The following LGMN variants were observed in gnomAD, a reference collection of about 807,000 sequenced individuals.
LGMN encodes legumain, also known as asparaginyl endopeptidase.
Under a neutral mutation model 56.8 loss-of-function variants are expected in LGMN, and 36 were observed. The observed-to-expected ratio is 0.63, with a 90% CI of 0.49 to 0.84. The LOEUF (loss-of-function observed/expected upper bound fraction) is 0.84. Ranked by LOEUF, LGMN falls within the 40% of genes least tolerant of loss-of-function variation. The pLI is 0.00. For missense variants in LGMN, 446 were observed against 556.1 expected (o/e 0.80, Z 1.99); for synonymous variants, 199 against 210.1 (o/e 0.95, Z 0.46).
At position 92,721,065 on chromosome 14, in the gene LGMN, A is replaced by C. The variant is rs112901958; in HGVS notation, c.139-2221T>G. ...AACACTGCACCTGGCTAATTTCTAA[A>C]ATGTTCTGTAGAGTCAGGGTCTCGC... On this transcript the variant is annotated intron_variant, in intron 2 of 13. Coordinates refer to ENST00000334869, the MANE Select transcript of LGMN (RefSeq NM_005606.7). Among the ~76,000 whole-genome samples, 1,488 of 151,498 alleles carry C rather than the reference A, an allele frequency of 9.8e-3. 30 individuals are homozygous for C. Among genetic ancestry groups the C allele is most frequent in the African/African-American group, 0.034 (1,387 of 41,276 alleles).
Position 92,708,856 on chromosome 14 carries a change from C to CAAAAAA in LGMN, c.1020+810_1020+815dup, listed in dbSNP as rs58813848. Among the ~76,000 whole-genome samples the CAAAAAA allele has an allele frequency of 9.6e-3, 688 of 71,600 alleles. 41 individuals carry two copies. The highest frequency in any genetic ancestry group is 0.033 in the African/African-American group (650 of 19,434). The allele number at this position is 71,600 out of a possible 152,430, so 47.0% of individuals were successfully genotyped here. The stretch of plus-strand genomic sequence containing the variant: ...TGGCGACAGAGCAAGACTCTTGTCT[C>CAAAAAA]AAAAAAAAAAAAAAAAAAAAAAAAA... On this transcript the variant is annotated intron_variant, in intron 11 of 13. Coordinates refer to ENST00000334869, the MANE Select transcript of LGMN (RefSeq NM_005606.7).
chr14:92,730,423 A>C (rs754102438), intron 2 of LGMN, among the ~76,000 whole-genome samples: 25 of 152,136 alleles, frequency 1.6e-4, no homozygotes, highest in Non-Finnish European at 3.1e-4. Flanking sequence ...TCTCATTATT[A>C]TCATTTTTTT....
intron 1 of LGMN, chr14:92,733,901 A>G (rs1303680742): frequency 6.6e-6 from 1 of 152,230 alleles, no homozygotes; most frequent in African/African-American, 2.4e-5. Flanking sequence ...GAAGACAGAC[A>G]AAATGTTAAC....
intron 2 of LGMN, among the ~76,000 whole-genome samples, chr14:92,719,752 C>G (rs1329422965): frequency 6.6e-6 from 1 of 152,242 alleles, no homozygotes; most frequent in Non-Finnish European, 1.5e-5. Context: ...AACTCCCTGT[C>G]CACGCAAGGG....
intron 1 of LGMN, among the ~76,000 whole-genome samples, chr14:92,745,915 T>G (rs956400641): frequency 2.0e-5 from 3 of 151,952 alleles, no homozygotes; most frequent in South Asian, 2.1e-4. Flanking sequence ...TCCGGCTCCC[T>G]GGTTCAAGCA....
intron 11 of LGMN, among the ~76,000 whole-genome samples, chr14:92,709,454 T>C: frequency 6.6e-6 from 1 of 152,300 alleles, no homozygotes; most frequent in East Asian, 1.9e-4. Context: ...ATTCCACTGC[T>C]CCCTACTACC....
intron 1 of LGMN, among the ~76,000 whole-genome samples, chr14:92,744,618 G>A (rs1332519158): frequency 6.5e-5 from 9 of 138,020 alleles, no homozygotes; most frequent in African/African-American, 2.0e-4. Context: ...TTTTTGAGAC[G>A]GAGTTTCGCT....
intron 1 of LGMN, among the ~76,000 whole-genome samples, chr14:92,742,141 T>C (rs542576960): frequency 5.6e-4 from 84 of 150,364 alleles, no homozygotes; most frequent in Non-Finnish European, 1.0e-3. Context: ...CTGAATATTT[T>C]AAGGAATTCC....
At chr14:92,743,159 G>C (rs940340337) in intron 1 of LGMN, 6 of 152,024 alleles carry the variant, frequency 3.9e-5, no homozygotes, top group Non-Finnish European at 7.4e-5. Context: ...TTATTAAAGG[G>C]TCATTCAGTC....
intron 10 of LGMN, 24 bp from the exon 11 acceptor site, chr14:92,709,896 GAGCGAGAGAGAA>G (rs1889666836): frequency 5.1e-6 from 8 of 1,556,920 alleles, no homozygotes; most frequent in Non-Finnish European, 7.0e-6. Flanking sequence ...CAGCAAGAGA[GAGCGAGAGAGAA>G]AGCGAGAGAG....
rs746940518 is a variant in LGMN, at chr14:92,704,613, T to C, written c.1259+27A>G. 5.7e-6 allele frequency: 9 copies of C among 1,590,056 alleles called. No homozygotes were observed. In the South Asian group the frequency reaches 9.9e-5, roughly 18 times the overall value. Reference sequence around the variant, plus strand: ...TCTGCTTTCAGAATGACATCGACCTTTCAAGCGTCACCGCTGCATTAGTTA... The same window carrying C: ...TCTGCTTTCAGAATGACATCGACCTCTCAAGCGTCACCGCTGCATTAGTTA... On this transcript the variant is annotated intron_variant, in intron 13 of 13. Transcript: ENST00000334869.
chr14:92,709,226 A>G (rs1889607070), intron 11 of LGMN, among the ~76,000 whole-genome samples: 1 of 152,090 alleles, frequency 6.6e-6, no homozygotes, highest in African/African-American at 2.4e-5. Flanking sequence ...GCTGACCTCA[A>G]AGTCCCAGAC....
chr14:92,718,956 G>A (rs554879957), intron 2 of LGMN, 112 bp from the exon 3 acceptor site: 18 of 623,168 alleles, frequency 2.9e-5, no homozygotes, highest in East Asian at 5.6e-5. Context: ...TCATCCCGTC[G>A]GTCAGGCATT....
In LGMN at chr14:92,709,761, GCACA is replaced by G; in HGVS notation, c.927_930del (p.Val310LeufsTer5). 1 of 1,614,100 alleles carries G rather than the reference GCACA, an allele frequency of 6.2e-7. No homozygotes were observed. The highest frequency in any genetic ancestry group is 8.5e-7 in the Non-Finnish European group (1 of 1,179,924). On this transcript the variant is annotated frameshift_variant, in exon 11 of 14. Transcript: ENST00000334869. LOFTEE classifies it high-confidence loss of function. Reference sequence around the variant, plus strand: ...AGTTTCCTTTTCATGATGGTGAGAGGCACATCAGGGCTGGGGGTGAGGTCAAGGT... The same window carrying G: ...AGTTTCCTTTTCATGATGGTGAGAGGTCAGGGCTGGGGGTGAGGTCAAGGT...
chr14:92,746,110 C>T (rs922212047), intron 1 of LGMN, among the ~76,000 whole-genome samples: 1 of 152,150 alleles, frequency 6.6e-6, no homozygotes, highest in African/African-American at 2.4e-5. Context: ...CACGAGCCAC[C>T]GCGCCCAGCG....
intron 2 of LGMN, among the ~76,000 whole-genome samples, chr14:92,730,415 T>TAC (rs1373793681): frequency 6.6e-6 from 1 of 152,142 alleles, no homozygotes; most frequent in Non-Finnish European, 1.5e-5. Context: ...GTATGATATC[T>TAC]CATTATTATC....
chr14:92,732,500 C>A, intron 2 of LGMN, 149 bp downstream of exon 2: 1 of 829,280 alleles, frequency 1.2e-6, no homozygotes, highest in South Asian at 1.7e-5. Flanking sequence ...CTGATTTCCC[C>A]ACATCCTCGC....
In LGMN at chr14:92,704,042, A is replaced by G; in HGVS notation, c.*277T>C. 1.4e-6 allele frequency: 1 copy of G among 697,912 alleles called. No homozygotes were observed. The highest frequency in any genetic ancestry group is 2.6e-6 in the Non-Finnish European group (1 of 383,530). The allele number at this position is 697,912 out of a possible 1,614,324, so 43.2% of individuals were successfully genotyped here. ...CCCCATGAGCTTCCTGCTCCTCAAA[A>G]CTAACAGGCAAAACAACAAACCTCC... On this transcript the variant is annotated 3_prime_UTR_variant, in exon 14 of 14. Coordinates refer to ENST00000334869, the MANE Select transcript of LGMN (RefSeq NM_005606.7).
At chr14:92,728,135 C>A (rs189838296) in intron 2 of LGMN, among the ~76,000 whole-genome samples, 3 of 152,274 alleles carry the variant, frequency 2.0e-5, no homozygotes, top group Non-Finnish European at 4.4e-5. Context: ...TCTAGCCCAG[C>A]GGTCCACGAC....
Sources: gnomAD v4.1 joint callset for allele counts (sites outside exome capture counted in the v4.1 genomes callset) on GRCh38, gnomAD v4.1.1 for gene constraint, MANE v1.5 for transcripts, NCBI Gene and HGNC (gene_info 2026-07-23, HGNC 2026-07-21) for gene names.